Variants in JMJD6 observed in about 807,000 individuals in gnomAD.
JMJD6 encodes jumonji domain containing 6, arginine demethylase and lysine hydroxylase, also known as bifunctional arginine demethylase and lysyl-hydroxylase JMJD6.
A neutral mutation model predicts 45.8 loss-of-function variants in JMJD6; 17 were observed. The observed-to-expected ratio is 0.37, with a 90% CI of 0.25 to 0.56. The LOEUF (loss-of-function observed/expected upper bound fraction) is 0.56. Ranked by LOEUF, JMJD6 falls within the 20% of genes least tolerant of loss-of-function variation. The pLI is 0.79. For synonymous variants in JMJD6, 221 were observed against 196.3 expected, an observed-to-expected ratio of 1.13 and a Z score of -1.05; for missense variants, 470 against 517.5, an observed-to-expected ratio of 0.91 and a Z score of 0.89.
intron 5 of JMJD6, among the ~76,000 whole-genome samples, chr17:76,720,059 C>T (rs186936530): frequency 6.6e-6 from 1 of 152,108 alleles, no homozygotes; most frequent in Admixed American, 6.5e-5. Flanking sequence ...GCAGGAGAAT[C>T]GCTTGAACTT....
downstream of JMJD6, among the ~76,000 whole-genome samples, chr17:76,717,205 T>C (rs1457750258): frequency 6.6e-6 from 1 of 152,170 alleles, no homozygotes; most frequent in East Asian, 1.9e-4. Flanking sequence ...TGAACGTCAG[T>C]ATTAAAACAT....
intron 2 of JMJD6, among the ~76,000 whole-genome samples, chr17:76,725,200 G>C (rs778848088): frequency 2.6e-5 from 4 of 152,076 alleles, no homozygotes; most frequent in Non-Finnish European, 5.9e-5. Flanking sequence ...CCTGAAGTCG[G>C]GAGTTCGAGA....
intron 2 of JMJD6, 83 bp downstream of exon 2, chr17:76,725,384 C>G: frequency 7.7e-7 from 1 of 1,298,004 alleles, no homozygotes; most frequent in Non-Finnish European, 1.0e-6. Flanking sequence ...GCAGCCTGGG[C>G]TACAAGAGTG....
Position 76,726,385 on chromosome 17 carries a change from A to G in JMJD6, c.91T>C (p.Tyr31His). The G allele has an allele frequency of 6.2e-7, 1 of 1,602,508 alleles. No individual in the cohort carries two copies. Among genetic ancestry groups the G allele is most frequent in the Non-Finnish European group, 8.5e-7 (1 of 1,175,712 alleles). Residue 31 changes from tyrosine to histidine, a missense_variant, in exon 1 of 6, where the codon TAC (tyrosine) becomes CAC (histidine). This residue lies in a region of JMJD6 where 346 missense variants were observed against 339.5 expected (regional missense o/e 1.02). Transcript: ENST00000397625. The part of the protein sequence containing the change: ...KDSLDWTRHN[Y>H]YESFSLSPAA... ...GGGCTCAGCGAGAAGCTCTCGTAGT[A>G]GTTGTGCCGGGTCCAATCCAGCGAG...
At chr17:76,716,605 G>C, downstream of JMJD6, 1 of 1,262,040 alleles carries the variant, frequency 7.9e-7, no homozygotes, top group Non-Finnish European at 1.2e-6. Context: ...GAGAAGGTAG[G>C]AGCAGAAGAT....
At chr17:76,713,119 T>TA (rs2076741361) in exon 7 of JMJD6, 1 of 152,114 alleles carries the variant, frequency 6.6e-6, no homozygotes. Flanking sequence ...TCTTTTTTTT[T>TA]AAAGACAGAG....
intron 1 of JMJD6, 66 bp downstream of exon 1, chr17:76,726,281 G>A (rs2076930913): frequency 6.7e-7 from 1 of 1,502,586 alleles, no homozygotes; most frequent in Admixed American, 2.3e-5. Flanking sequence ...CTCGGGCCCA[G>A]AGAAAGGTGC....
intron 2 of JMJD6, among the ~76,000 whole-genome samples, chr17:76,724,545 G>A (rs745529569): frequency 5.3e-5 from 8 of 152,088 alleles, no homozygotes; most frequent in Non-Finnish European, 8.8e-5. Context: ...CAGCTGGGGC[G>A]GTAGCTCACG....
In JMJD6 at chr17:76,726,584, C is replaced by G. The variant is rs990480288; in HGVS notation, c.-109G>C. On this transcript the variant is annotated 5_prime_UTR_variant, in exon 1 of 6. Transcript: ENST00000397625. ...GCGGCGACGGCAGTACCCAAACGCC[C>G]TTCGCTCAGTCCCGGCGCCTTTAAA... 2.2e-4 allele frequency: 312 copies of G among 1,401,826 alleles called. 5 individuals are homozygous for G. Among genetic ancestry groups the G allele is most frequent in the Non-Finnish European group, 4.8e-5 (51 of 1,056,986 alleles). 86.8% of individuals were successfully genotyped at this position (1,401,826 alleles called of 1,614,324 possible).
chr17:76,721,989 T>C (rs2076831005), intron 3 of JMJD6, 56 bp from the exon 4 acceptor site: 1 of 1,582,550 alleles, frequency 6.3e-7, no homozygotes, highest in African/African-American at 1.4e-5. Flanking sequence ...CTAATTACTG[T>C]ATAACACACA....
intron 3 of JMJD6, among the ~76,000 whole-genome samples, chr17:76,722,522 G>C (rs1475257924): frequency 6.6e-6 from 1 of 152,062 alleles, no homozygotes; most frequent in Non-Finnish European, 1.5e-5. Flanking sequence ...GCCAGCCTGG[G>C]TAACAGTGAG....
downstream of JMJD6, chr17:76,715,563 C>T (rs560488545): frequency 6.6e-6 from 1 of 152,342 alleles, no homozygotes; most frequent in East Asian, 1.9e-4. Context: ...GGCAACAGCA[C>T]ACAATTCTAA....
chr17:76,716,390 C>A (rs1362751701), downstream of JMJD6: 4 of 376,098 alleles, frequency 1.1e-5, no homozygotes, highest in Non-Finnish European at 2.0e-5. Context: ...CACACCCTGC[C>A]AGCCTTGTGG....
downstream of JMJD6, chr17:76,716,368 C>CGTTA: frequency 3.2e-6 from 1 of 312,226 alleles, no homozygotes; most frequent in Non-Finnish European, 6.1e-6. Flanking sequence ...AGACACAAGA[C>CGTTA]GTTACAAGGA....
chr17:76,724,539 TG>T (rs2076874170), intron 2 of JMJD6, among the ~76,000 whole-genome samples: 2 of 152,126 alleles, frequency 1.3e-5, no homozygotes, highest in African/African-American at 4.8e-5. Context: ...AAAAATCAGC[TG>T]GGGCGGTAGC....
chr17:76,725,664 G>A lies in JMJD6; in HGVS notation c.321C>T (p.Gly107=). 6.2e-7 allele frequency: 1 copy of A among 1,614,016 alleles called. No homozygotes were observed. The highest frequency in any genetic ancestry group is 1.1e-5 in the South Asian group (1 of 91,082). ...ATTTCATCTTCATCTTCACTGAGTA[G>A]CCATCGTTATCCTCACCACACTTGA... The part of the protein sequence containing the change: ...QKFKCGEDND[G]YSVKMKMKYY... The change falls in exon 2 of 6, where the codon GGC becomes GGT. Residue 107 remains glycine, a synonymous_variant. Transcript: ENST00000397625.
At position 76,726,328 on chromosome 17, in the gene JMJD6, C is replaced by A. The variant is rs768930703; in HGVS notation, c.129+19G>T. The stretch of plus-strand genomic sequence containing the variant: ...AGGTGCCGATGCCCGGCCTGGCCAC[C>A]CCCGCCCGACCCGCTCACCGCCACG... On this transcript the variant is annotated intron_variant, in intron 1 of 5. Coordinates refer to ENST00000397625, the MANE Select transcript of JMJD6 (RefSeq NM_015167.3). 4.5e-6 allele frequency: 7 copies of A among 1,555,750 alleles called. No homozygotes were observed. The highest frequency in any genetic ancestry group is 1.2e-5 in the South Asian group (1 of 85,318).
At position 76,725,607 on chromosome 17, in the gene JMJD6, A is replaced by G. The variant is rs750030723; in HGVS notation, c.378T>C (p.Asp126=). The part of the protein sequence containing the change: ...YYIEYMESTR[D]DSPLYIFDSS... ...TGTCAAAGATGTAAAGGGGACTATC[A>G]TCTCGAGTGCTCTCCATGTACTCGA... The change falls in exon 2 of 6, where the codon GAT becomes GAC. Residue 126 remains aspartate, a synonymous_variant. Transcript: ENST00000397625. 6.2e-7 allele frequency: 1 copy of G among 1,614,042 alleles called. No individual in the cohort carries two copies. The highest frequency in any genetic ancestry group is 1.3e-5 in the African/African-American group (1 of 74,974).
At chr17:76,717,520 T>G (rs548298397), downstream of JMJD6, among the ~76,000 whole-genome samples, 1 of 152,254 alleles carries the variant, frequency 6.6e-6, no homozygotes, top group East Asian at 1.9e-4. Flanking sequence ...CTTATTTAGG[T>G]CCAATCTTGT....
Sources: gnomAD v4.1 joint callset for allele counts (sites outside exome capture counted in the v4.1 genomes callset) on GRCh38, gnomAD v4.1.1 for gene constraint, gnomAD v4.1.1 regional missense constraint, MANE v1.5 for transcripts, NCBI Gene and HGNC (gene_info 2026-07-23, HGNC 2026-07-21) for gene names.